RGPD1: variants seen among roughly 807,000 people sequenced by gnomAD.
RGPD1 encodes RANBP2-like and GRIP domain-containing protein 1.
Under a neutral mutation model 40.6 loss-of-function variants are expected in RGPD1, and 7 were observed. The observed-to-expected ratio is 0.17, with a 90% CI of 0.10 to 0.32. The LOEUF (loss-of-function observed/expected upper bound fraction) is 0.32. RGPD1 is among the 10% of genes least tolerant of loss of function. The pLI, the probability that RGPD1 is intolerant of heterozygous loss-of-function variation, is 1.00. For missense variants in RGPD1, 50 were observed against 472.5 expected (o/e 0.11, Z 8.29); for synonymous variants, 24 against 167.0 (o/e 0.14, Z 6.60).
chr2:86,914,111 GCCT>G (rs1200743280), intron 1 of RGPD1, among the ~76,000 whole-genome samples: 2 of 102,410 alleles, frequency 2.0e-5, no homozygotes, highest in Admixed American at 8.8e-5. Flanking sequence ...GGCGGCGGCG[GCCT>G]CGGCCCCGGC....
chr2:86,935,501 A>T, intron 1 of RGPD1, among the ~76,000 whole-genome samples: 1 of 98,202 alleles, frequency 1.0e-5, no homozygotes, highest in Middle Eastern at 5.3e-3. Context: ...ATATGAAAAT[A>T]TTGTGGAAAG....
At chr2:86,941,102 T>C (rs1679710509), upstream of RGPD1, among the ~76,000 whole-genome samples, 1 of 152,036 alleles carries the variant, frequency 6.6e-6, no homozygotes. Flanking sequence ...ATAGCCCAAA[T>C]TTCCAGTTAA....
At chr2:86,931,153 T>C (rs1049014912) in intron 1 of RGPD1, among the ~76,000 whole-genome samples, 1 of 140,178 alleles carries the variant, frequency 7.1e-6, no homozygotes, top group Non-Finnish European at 1.5e-5. Context: ...CTCCATGATA[T>C]ACTCGTCAAG....
intron 1 of RGPD1, among the ~76,000 whole-genome samples, chr2:86,920,138 T>C (rs1161901067): frequency 1.3e-5 from 2 of 151,928 alleles, no homozygotes; most frequent in Admixed American, 6.6e-5. Flanking sequence ...GGCGTTATCC[T>C]GGCTCATTAC....
intron 1 of RGPD1, among the ~76,000 whole-genome samples, chr2:86,931,202 C>T (rs896135191): frequency 1.3e-5 from 2 of 150,442 alleles, no homozygotes; most frequent in African/African-American, 5.0e-5. Flanking sequence ...GATATCCTTT[C>T]TCCTGGTTAA....
chr2:86,924,609 T>C (rs563719092), intron 1 of RGPD1, among the ~76,000 whole-genome samples: 1 of 150,676 alleles, frequency 6.6e-6, no homozygotes, highest in African/African-American at 2.4e-5. Flanking sequence ...GGACTACCGG[T>C]ATGCTCCATC....
At position 86,942,332 on chromosome 2, in the gene RGPD1, A is replaced by ACCTGGCGGGGCGG; in HGVS notation, c.72+25_72+26insCTGGCGGGGCGGC. On this transcript the variant is annotated intron_variant, in intron 1 of 22. Coordinates refer to ENST00000641458, the MANE Select transcript of RGPD1 (RefSeq NM_001382344.1). ...AGGTGAGTGGATCTCGAAGAGACCG[A>ACCTGGCGGGGCGG]CGGCCTCGACCTGGCCGGGCGGCGG... is the stretch of plus-strand genomic sequence containing the variant. 5.7e-6 allele frequency: 8 copies of ACCTGGCGGGGCGG among 1,391,518 alleles called. No individual in the cohort carries two copies. The East Asian group carries it at 8.7e-5, about 15-fold the overall frequency. 86.2% of individuals were successfully genotyped at this position (1,391,518 alleles called of 1,614,324 possible). A position where few individuals can be genotyped will look rare whatever the true frequency, so the allele number is the denominator to read the frequency against.
intron 1 of RGPD1, among the ~76,000 whole-genome samples, chr2:86,946,269 C>CT (rs1331286012): frequency 0.014 from 977 of 71,602 alleles, 12 homozygotes; most frequent in African/African-American, 0.042. Flanking sequence ...ATTTTGTTTT[C>CT]TTTTTTTTTT....
At chr2:86,945,344 A>G (rs908856905) in intron 1 of RGPD1, among the ~76,000 whole-genome samples, 3 of 152,128 alleles carry the variant, frequency 2.0e-5, no homozygotes, top group Admixed American at 2.0e-4. Context: ...GCTATTCTGT[A>G]AAGTTAGGTT....
chr2:86,914,633 TCGACC>T (rs1677680068), intron 1 of RGPD1, among the ~76,000 whole-genome samples: 6 of 33,280 alleles, frequency 1.8e-4, no homozygotes, highest in Non-Finnish European at 3.4e-4. Context: ...GGCGGCGGCC[TCGACC>T]TGGCCGGGCG....
chr2:86,945,717 A>G (rs1188247346), intron 1 of RGPD1, among the ~76,000 whole-genome samples: 5 of 151,060 alleles, frequency 3.3e-5, no homozygotes, highest in Non-Finnish European at 5.9e-5. Context: ...GTCTCTATTA[A>G]AAATACAAAA....
At chr2:86,931,275 T>C (rs1188521557) in intron 1 of RGPD1, among the ~76,000 whole-genome samples, 3 of 151,818 alleles carry the variant, frequency 2.0e-5, no homozygotes, top group African/African-American at 4.9e-5. Context: ...ACCAAACTAC[T>C]CACCCCCATA....
intron 7 of RGPD1, among the ~76,000 whole-genome samples, chr2:86,964,189 C>T (rs1573632227): frequency 9.3e-6 from 1 of 107,890 alleles, no homozygotes; most frequent in East Asian, 2.7e-4. Flanking sequence ...ACTACAAGCG[C>T]CCACCACCAT....
At position 86,989,373 on chromosome 2, in the gene RGPD1, ATC is replaced by A. The variant is rs1681615047; in HGVS notation, c.4900+1578_4900+1579del. Among the ~76,000 whole-genome samples, 2 of 115,416 alleles carry A rather than the reference ATC, an allele frequency of 1.7e-5. 1 individual carries two copies. Among genetic ancestry groups the A allele is most frequent in the African/African-American group, 6.1e-5 (2 of 32,634 alleles). 75.7% of individuals were successfully genotyped at this position (115,416 alleles called of 152,430 possible). ...AAACAAGTACAATGATAAAATAACA[ATC>A]TCTGATTTTTTTTTGAGTATACCAG... On this transcript the variant is annotated intron_variant, in intron 20 of 22. Coordinates refer to ENST00000641458, the MANE Select transcript of RGPD1 (RefSeq NM_001382344.1).
intron 1 of RGPD1, among the ~76,000 whole-genome samples, chr2:86,944,085 CTT>C (rs1379418385): frequency 2.0e-5 from 3 of 152,078 alleles, no homozygotes; most frequent in Non-Finnish European, 4.4e-5. Flanking sequence ...AATTGTGTCT[CTT>C]ATCATAACTA....
chr2:86,915,006 G>A (rs1178572096), intron 1 of RGPD1, among the ~76,000 whole-genome samples: 39 of 149,604 alleles, frequency 2.6e-4, no homozygotes, highest in Non-Finnish European at 2.4e-4. Context: ...ATAATATATG[G>A]ACATGCCTGC....
At chr2:86,919,387 C>G (rs534047805) in intron 1 of RGPD1, among the ~76,000 whole-genome samples, 8 of 147,856 alleles carry the variant, frequency 5.4e-5, no homozygotes, top group Non-Finnish European at 1.2e-4. Context: ...TGTTTGATAA[C>G]GTCAGGTAGC....
At chr2:86,956,787 G>A (rs1255407369) in intron 4 of RGPD1, among the ~76,000 whole-genome samples, 1 of 89,192 alleles carries the variant, frequency 1.1e-5, no homozygotes, top group East Asian at 3.4e-4. Context: ...GTGTTTACAG[G>A]TGCTTAAAAC....
chr2:86,943,510 G>C (rs1680083873), intron 1 of RGPD1, among the ~76,000 whole-genome samples: 1 of 152,138 alleles, frequency 6.6e-6, no homozygotes. Context: ...GATGTGCACA[G>C]AATCTTGAGT....
Sources: allele counts gnomAD v4.1 joint callset (sites outside exome capture counted in the v4.1 genomes callset), GRCh38; gene constraint gnomAD v4.1.1; transcripts MANE v1.5; gene names NCBI Gene and HGNC (gene_info 2026-07-23, HGNC 2026-07-21).